Variants in JAKMIP1 observed in about 807,000 individuals in gnomAD.
The protein encoded by JAKMIP1 is janus kinase and microtubule-interacting protein 1.
JAKMIP1 carries 33 observed loss-of-function variants against 113.0 expected under a neutral mutation model. That is an observed-to-expected ratio of 0.29 (90% CI 0.22 to 0.39). The LOEUF (loss-of-function observed/expected upper bound fraction) is 0.39, where lower values mean the gene tolerates loss of function less well. JAKMIP1 is among the 10% of genes least tolerant of loss of function. The probability of loss-of-function intolerance (pLI) is 1.00; values close to 1 mark genes in which losing one functional copy is unlikely to be tolerated. For synonymous variants in JAKMIP1, 480 were observed against 459.9 expected (o/e 1.04, Z -0.56); for missense variants, 813 against 1,080.5 (o/e 0.75, Z 3.47).
At chr4:6,039,366 C>A (rs562981670) in intron 18 of JAKMIP1, among the ~76,000 whole-genome samples, 1 of 152,206 alleles carries the variant, frequency 6.6e-6, no homozygotes, top group African/African-American at 2.4e-5. Flanking sequence ...TCAACTCACC[C>A]TTTAGCACGC....
chr4:6,048,709 A>G, intron 16 of JAKMIP1, 148 bp downstream of exon 16: 1 of 620,250 alleles, frequency 1.6e-6, no homozygotes, highest in South Asian at 2.2e-5. Flanking sequence ...CGTCATGAAG[A>G]GAACGGAAAG....
Position 6,080,041 on chromosome 4 carries a change from C to T in JAKMIP1, c.1242+131G>A. On this transcript the variant is annotated intron_variant, in intron 7 of 20. Transcript: ENST00000409021. This position sits in a 1 kb window ranked among gnomAD's most constrained non-coding sequence, Gnocchi z 6.0. ...CACACCAGGGTGAGCTTGGTGAGTCCCAAAGTCAGCACTGCCTGACCCTGA... is the reference window on the plus strand; with the variant it reads ...CACACCAGGGTGAGCTTGGTGAGTCTCAAAGTCAGCACTGCCTGACCCTGA... The T allele has an allele frequency of 9.3e-7, 1 of 1,074,886 alleles. No individual in the cohort carries two copies. The highest frequency in any genetic ancestry group is 1.3e-6 in the Non-Finnish European group (1 of 767,862). 66.6% of individuals were successfully genotyped at this position (1,074,886 alleles called of 1,614,324 possible).
intron 11 of JAKMIP1, among the ~76,000 whole-genome samples, chr4:6,058,339 C>G (rs941717935): frequency 6.6e-6 from 1 of 152,204 alleles, no homozygotes; most frequent in Admixed American, 6.5e-5. Flanking sequence ...ATACTAACAA[C>G]TCTTTGTTAA....
intron 1 of JAKMIP1, among the ~76,000 whole-genome samples, chr4:6,118,723 G>A (rs1038585890): frequency 6.6e-6 from 1 of 152,062 alleles, no homozygotes; most frequent in African/African-American, 2.4e-5. Context: ...ACCCTGGACT[G>A]AGGCCACAGG....
chr4:6,099,914 C>T (rs114818173), intron 3 of JAKMIP1, among the ~76,000 whole-genome samples: 2,546 of 152,300 alleles, frequency 0.017, 46 homozygotes, highest in African/African-American at 0.052. Context: ...CCGAGGGGCA[C>T]GGCTGCTCCA....
chr4:6,121,484 C>A lies in JAKMIP1; in HGVS notation c.-147-8487G>T, dbSNP rs150699777. 4.2e-3 allele frequency among the ~76,000 whole-genome samples: 646 copies of A among 152,334 alleles called. 3 individuals carry two copies. Among genetic ancestry groups the A allele is most frequent in the Non-Finnish European group, 6.8e-3 (461 of 68,032 alleles). ...TCAGGAGGGCAAAAGTTGGAAGCAA[C>A]CTAAATGTCCAGCCATAGGGAATTC... On this transcript the variant is annotated intron_variant, in intron 1 of 20. Transcript: ENST00000409021.
rs556790371 is a variant in JAKMIP1, at chr4:6,056,576, C to A, written c.1707+121G>T. 434 of 739,130 alleles carry A rather than the reference C, an allele frequency of 5.9e-4. 7 individuals carry two copies. The South Asian group carries it at 6.2e-3, about 11-fold the overall frequency. The allele number at this position is 739,130 out of a possible 1,614,324, so 45.8% of individuals were successfully genotyped here. ...CTCTCCTCATGGGAGGTGTGCAGGACCCGAGGCCCTGGTCACTGGAGTGCC... is the reference window on the plus strand; with the variant it reads ...CTCTCCTCATGGGAGGTGTGCAGGAACCGAGGCCCTGGTCACTGGAGTGCC... On this transcript the variant is annotated intron_variant, in intron 12 of 20. Coordinates refer to ENST00000409021, the MANE Select transcript of JAKMIP1 (RefSeq NM_001099433.2).
chr4:6,056,754 G>T lies in JAKMIP1; in HGVS notation c.1650C>A (p.Ser550=). ...EKLLVEKGQD[S]KWVEEKQLLI... is the part of the protein sequence containing the mutation. ...GCAGCTGCTTCTCTTCAACCCACTT[G>T]GAATCCTAAGGAAAAGTACTAAATA... Residue 550 remains serine, a synonymous_variant, in exon 12 of 21, where the codon TCC becomes TCA. Coordinates refer to ENST00000409021, the MANE Select transcript of JAKMIP1 (RefSeq NM_001099433.2). 6.2e-7 allele frequency: 1 copy of T among 1,610,202 alleles called. No homozygotes were observed. Among genetic ancestry groups the T allele is most frequent in the Non-Finnish European group, 8.5e-7 (1 of 1,177,016 alleles).
rs1722286185 is a variant in JAKMIP1, at chr4:6,156,820, G to A, written c.-148+43433C>T. On this transcript the variant is annotated intron_variant, in intron 1 of 20. Coordinates refer to ENST00000409021, the MANE Select transcript of JAKMIP1 (RefSeq NM_001099433.2). The surrounding 1 kb of genome is among the most constrained non-coding windows in gnomAD (Gnocchi z 5.0). Reference sequence around the variant, plus strand: ...ATCTCATGGCCACACCTGGCACATGGACATGGTCTGCCCATGATAGGTGTT... The same window carrying A: ...ATCTCATGGCCACACCTGGCACATGAACATGGTCTGCCCATGATAGGTGTT... Among the ~76,000 whole-genome samples, 1 of 152,218 alleles carries A rather than the reference G, an allele frequency of 6.6e-6. No homozygotes were observed. The highest frequency in any genetic ancestry group is 6.5e-5 in the Admixed American group (1 of 15,282).
intron 1 of JAKMIP1, among the ~76,000 whole-genome samples, chr4:6,130,339 G>C (rs1718323125): frequency 1.3e-5 from 2 of 152,200 alleles, no homozygotes; most frequent in South Asian, 4.1e-4. Flanking sequence ...AACTTTTCTT[G>C]GATCCATCAG....
In JAKMIP1 at chr4:6,029,752, C is replaced by T; in HGVS notation, c.2409G>A (p.Glu803=). 1 of 1,605,474 alleles carries T rather than the reference C, an allele frequency of 6.2e-7. No individual in the cohort carries two copies. The highest frequency in any genetic ancestry group is 8.5e-7 in the Non-Finnish European group (1 of 1,175,954). The stretch of plus-strand genomic sequence containing the variant: ...GTTCTTTCAGGTGCCGCTTCTGAAA[C>T]TCCAGTTTGTCCTCCAGTTCTCGGA... ...QRIRELEDKL[E]FQKRHLKELE... is the part of the protein sequence containing the mutation. Residue 803 remains glutamate (E), a synonymous_variant, in exon 20 of 21, where the codon GAG becomes GAA. Transcript: ENST00000409021.
chr4:6,046,759 G>C (rs77768143), intron 16 of JAKMIP1, among the ~76,000 whole-genome samples: 2 of 152,200 alleles, frequency 1.3e-5, no homozygotes, highest in Non-Finnish European at 1.5e-5. Flanking sequence ...GGGACCTAAG[G>C]TGCAGGCCTG....
chr4:6,194,972 C>T lies in JAKMIP1; in HGVS notation c.-148+5281G>A, dbSNP rs951709787. Among the ~76,000 whole-genome samples the T allele has an allele frequency of 1.4e-4, 22 of 152,270 alleles. No homozygotes were observed. The highest frequency in any genetic ancestry group is 5.1e-4 in the African/African-American group (21 of 41,554). ...GGCGGTGGTGCCCAACAAAGGGACC[C>T]GCCACTGCAGCTGCTGTCCACGGCG... On this transcript the variant is annotated intron_variant, in intron 1 of 20. Transcript: ENST00000409021. The surrounding 1 kb of genome is among the most constrained non-coding windows in gnomAD (Gnocchi z 7.4).
In JAKMIP1 at chr4:6,153,597, A is replaced by C. The variant is rs1207666984; in HGVS notation, c.-147-40600T>G. Among the ~76,000 whole-genome samples, 1 of 152,148 alleles carries C rather than the reference A, an allele frequency of 6.6e-6. No homozygotes were observed. Among genetic ancestry groups the C allele is most frequent in the Non-Finnish European group, 1.5e-5 (1 of 68,022 alleles). ...AGGGTGCACCTCAGACAGCCCTGACAATCTGGAGAGAGAACGTTTTGTGGA... is the reference window on the plus strand; with the variant it reads ...AGGGTGCACCTCAGACAGCCCTGACCATCTGGAGAGAGAACGTTTTGTGGA... On this transcript the variant is annotated intron_variant, in intron 1 of 20. Coordinates refer to ENST00000409021, the MANE Select transcript of JAKMIP1 (RefSeq NM_001099433.2). This position sits in a 1 kb window ranked among gnomAD's most constrained non-coding sequence, Gnocchi z 4.9.
At chr4:6,114,995 T>C (rs1368904193) in intron 1 of JAKMIP1, among the ~76,000 whole-genome samples, 1 of 152,230 alleles carries the variant, frequency 6.6e-6, no homozygotes, top group African/African-American at 2.4e-5. Context: ...AACACTTGGA[T>C]GTTCATCCCA....
chr4:6,185,190 C>T lies in JAKMIP1; in HGVS notation c.-148+15063G>A, dbSNP rs115051709. ...CTAATGTGGGGCTTCACCTTGTGAT[C>T]TTGTGAGTCAATTATCCCAATAAAC... On this transcript the variant is annotated intron_variant, in intron 1 of 20. Coordinates refer to ENST00000409021, the MANE Select transcript of JAKMIP1 (RefSeq NM_001099433.2). The surrounding 1 kb of genome is among the most constrained non-coding windows in gnomAD (Gnocchi z 5.3). 0.013 allele frequency among the ~76,000 whole-genome samples: 1,928 copies of T among 152,324 alleles called. 47 individuals are homozygous for T. The highest frequency in any genetic ancestry group is 0.045 in the African/African-American group (1,852 of 41,574).
intron 1 of JAKMIP1, among the ~76,000 whole-genome samples, chr4:6,120,019 G>GC (rs1716468543): frequency 2.0e-5 from 3 of 152,108 alleles, no homozygotes; most frequent in African/African-American, 2.4e-5. Context: ...AGAAATTCCA[G>GC]CCCATCACCA....
chr4:6,104,632 T>C (rs555779515), intron 3 of JAKMIP1, among the ~76,000 whole-genome samples: 1 of 152,390 alleles, frequency 6.6e-6, no homozygotes, highest in Admixed American at 6.5e-5. Flanking sequence ...CTTACTTTAC[T>C]TCTTAGCCTC....
rs1026903467 is a variant in JAKMIP1, at chr4:6,059,979, T to C, written c.1644+445A>G. Among the ~76,000 whole-genome samples, 1 of 152,134 alleles carries C rather than the reference T, an allele frequency of 6.6e-6. No homozygotes were observed. The highest frequency in any genetic ancestry group is 2.4e-5 in the African/African-American group (1 of 41,414). On this transcript the variant is annotated intron_variant, in intron 11 of 20. Coordinates refer to ENST00000409021, the MANE Select transcript of JAKMIP1 (RefSeq NM_001099433.2). The surrounding 1 kb of genome is among the most constrained non-coding windows in gnomAD (Gnocchi z 4.8). ...TGGGTAGGTGCAGTTGACTCTAACC[T>C]GAGCAGCACAGGACCAGACTGTTCT...
Sources: allele counts gnomAD v4.1 joint callset (sites outside exome capture counted in the v4.1 genomes callset), GRCh38; gene constraint gnomAD v4.1.1; non-coding constraint Gnocchi (gnomAD v3.1); transcripts MANE v1.5; gene names NCBI Gene and HGNC (gene_info 2026-07-23, HGNC 2026-07-21).